UBA2: variants seen among roughly 807,000 people sequenced by gnomAD.
The protein encoded by UBA2 is SUMO-activating enzyme subunit 2.
Under a neutral mutation model 77.2 loss-of-function variants are expected in UBA2, and 11 were observed. The observed-to-expected ratio is 0.14, with a 90% CI of 0.09 to 0.24. The LOEUF is 0.24. UBA2 is among the 10% of genes least tolerant of loss of function. UBA2 has a pLI of 1.00. For missense variants in UBA2, 487 were observed against 781.7 expected (o/e 0.62, Z 4.50); for synonymous variants, 278 against 276.7 (o/e 1.00, Z -0.05).
intron 2 of UBA2, among the ~76,000 whole-genome samples, chr19:34,431,382 G>T (rs1328432466): frequency 6.6e-6 from 1 of 150,736 alleles, no homozygotes; most frequent in Non-Finnish European, 1.5e-5. Context: ...CCTCCCAAGT[G>T]CTGGGATTAC....
intron 15 of UBA2, among the ~76,000 whole-genome samples, chr19:34,465,361 A>C (rs1423350057): frequency 6.6e-6 from 1 of 152,156 alleles, no homozygotes; most frequent in Non-Finnish European, 1.5e-5. Flanking sequence ...GAAGGAGGCC[A>C]GGTGCGATGG....
rs1200377894 is a variant in UBA2 at position 34,466,943 on chromosome 19, A to G, written c.1670A>G (p.Lys557Arg). 3.7e-6 allele frequency: 6 copies of G among 1,614,060 alleles called. No homozygotes were observed. The highest frequency in any genetic ancestry group is 3.3e-5 in the South Asian group (3 of 91,080). The part of the protein sequence containing the change: ...VGDAPEKVGP[K>R]QAEDAAKSIT... The stretch of plus-strand genomic sequence containing the variant: ...GATGCCCCGGAAAAAGTGGGGCCCA[A>G]ACAAGCTGAAGATGCTGCCAAAAGC... Residue 557 changes from lysine to arginine, a missense_variant, in exon 16 of 17, where the codon AAA becomes AGA. Around this residue, in one of 9 missense-constraint regions of UBA2, gnomAD observed 300 missense variants for 454.3 expected, o/e 0.66. Transcript: ENST00000246548.
chr19:34,441,330 C>T (rs2075366661), intron 6 of UBA2, among the ~76,000 whole-genome samples: 1 of 152,066 alleles, frequency 6.6e-6, no homozygotes, highest in Non-Finnish European at 1.5e-5. Context: ...TGGTGGGTGC[C>T]TGTAGTCCCA....
At chr19:34,436,382 C>A (rs781729755) in intron 5 of UBA2, among the ~76,000 whole-genome samples, 1 of 152,108 alleles carries the variant, frequency 6.6e-6, no homozygotes, top group East Asian at 1.9e-4. Context: ...TCGCCGCAAC[C>A]TCCGTCTCCC....
chr19:34,449,664 C>CT (rs749175179), intron 8 of UBA2, among the ~76,000 whole-genome samples: 26 of 152,138 alleles, frequency 1.7e-4, no homozygotes, highest in Non-Finnish European at 3.2e-4. Flanking sequence ...GTTTCTCAAT[C>CT]TACTTGTAAT....
At position 34,438,627 on chromosome 19, in the gene UBA2, C is replaced by T. The variant is rs1201314704; in HGVS notation, c.460-18C>T. On this transcript the variant is annotated intron_variant, in intron 5 of 16. Coordinates refer to ENST00000246548, the MANE Select transcript of UBA2 (RefSeq NM_005499.3). ...CTGCCATCATGGAGTAAATTTTTCTCATATCCTGACTTCATAGGGTGTGAC... is the reference window on the plus strand; with the variant it reads ...CTGCCATCATGGAGTAAATTTTTCTTATATCCTGACTTCATAGGGTGTGAC... 5.6e-6 allele frequency: 9 copies of T among 1,611,640 alleles called. No individual in the cohort carries two copies. In the South Asian group the frequency reaches 8.9e-5, roughly 16 times the overall value.
rs3787033 is a variant in UBA2 at position 34,448,435 on chromosome 19, C to T, written c.772-1830C>T. Among the ~76,000 whole-genome samples the T allele has an allele frequency of 7.3e-5, 11 of 150,968 alleles. No homozygotes were observed. In the East Asian group the frequency reaches 1.2e-3, roughly 16 times the overall value. On this transcript the variant is annotated intron_variant, in intron 8 of 16. Transcript: ENST00000246548. ...TATAGCAAGACCCCATCTCTAAAAA[C>T]GAAAAAAAAATAGCCAGCCATGGTG...
chr19:34,453,706 T>C (rs944686124), intron 10 of UBA2, among the ~76,000 whole-genome samples: 1 of 151,942 alleles, frequency 6.6e-6, no homozygotes, highest in African/African-American at 2.4e-5. Flanking sequence ...TTTTGTGTTT[T>C]TGGTGGAGAT....
intron 5 of UBA2, among the ~76,000 whole-genome samples, chr19:34,437,343 C>T (rs1406234109): frequency 2.0e-5 from 3 of 150,394 alleles, no homozygotes; most frequent in African/African-American, 4.9e-5. Context: ...GGCATGGTGG[C>T]TTACGCCTGT....
intron 10 of UBA2, among the ~76,000 whole-genome samples, chr19:34,453,227 C>T (rs1215957748): frequency 2.6e-5 from 4 of 152,162 alleles, no homozygotes; most frequent in African/African-American, 9.7e-5. Context: ...TCACAGCCAG[C>T]CAATAAATAC....
intron 5 of UBA2, among the ~76,000 whole-genome samples, chr19:34,438,153 G>A (rs888383803): frequency 2.0e-5 from 3 of 150,024 alleles, no homozygotes; most frequent in Non-Finnish European, 2.9e-5. Context: ...AATTAATCTT[G>A]TAGTTTACTT....
chr19:34,433,804 CA>C (rs1183032215), intron 4 of UBA2, among the ~76,000 whole-genome samples: 6 of 152,084 alleles, frequency 3.9e-5, no homozygotes, highest in Non-Finnish European at 7.3e-5. Flanking sequence ...CCAAAAAACA[CA>C]AAAATTAGCC....
In UBA2 at chr19:34,458,921, C is replaced by T. The variant is rs775373199; in HGVS notation, c.1398C>T (p.Asp466=). The T allele has an allele frequency of 2.5e-6, 4 of 1,613,232 alleles. No homozygotes were observed. Among genetic ancestry groups the T allele is most frequent in the Admixed American group, 3.3e-5 (2 of 59,840 alleles). The change falls in exon 13 of 17, where the codon GAC becomes GAT. Residue 466 remains aspartate, a synonymous_variant. Transcript: ENST00000246548. ...AAGTGACTGTTCTCACCTTACAAGA[C>T]AAGGTCAGTGCAAGGCCTGGGTCTC... ...VHKVTVLTLQ[D]KIVKEKFAMV...
At chr19:34,438,938 G>A (rs1161102109) in intron 6 of UBA2, among the ~76,000 whole-genome samples, 172 bp downstream of exon 6, 2 of 152,128 alleles carry the variant, frequency 1.3e-5, no homozygotes, top group Non-Finnish European at 2.9e-5. Flanking sequence ...GCCGGGTGCG[G>A]TGGCTCACAC....
chr19:34,468,271 C>T (rs535905628), intron 16 of UBA2, among the ~76,000 whole-genome samples: 2 of 152,222 alleles, frequency 1.3e-5, no homozygotes, highest in South Asian at 2.1e-4. Context: ...ATTTTGGAGA[C>T]GAACATTCAG....
At chr19:34,464,153 A>G (rs753416347) in intron 15 of UBA2, 22 bp downstream of exon 15, 1 of 1,430,688 alleles carries the variant, frequency 7.0e-7, no homozygotes, top group African/African-American at 1.4e-5. Context: ...TAGTATTTTA[A>G]TTGTAAGAAA....
chr19:34,453,835 A>G (rs2075529300), intron 10 of UBA2, among the ~76,000 whole-genome samples: 1 of 152,080 alleles, frequency 6.6e-6, no homozygotes, highest in Admixed American at 6.6e-5. Flanking sequence ...AGCCTAAAAC[A>G]GTTTTCTTAA....
chr19:34,440,692 T>C (rs1243913672), intron 6 of UBA2, among the ~76,000 whole-genome samples: 1 of 152,176 alleles, frequency 6.6e-6, no homozygotes, highest in Non-Finnish European at 1.5e-5. Context: ...ACTTGGAAGC[T>C]GAAGCGGGTG....
intron 6 of UBA2, among the ~76,000 whole-genome samples, chr19:34,441,727 C>A (rs988069625): frequency 2.6e-5 from 4 of 151,616 alleles, no homozygotes; most frequent in African/African-American, 9.7e-5. Flanking sequence ...TTGAGAACTG[C>A]CTGGGCAACA....
Sources: gnomAD v4.1 joint callset for allele counts (sites outside exome capture counted in the v4.1 genomes callset) on GRCh38, gnomAD v4.1.1 for gene constraint, gnomAD v4.1.1 regional missense constraint, MANE v1.5 for transcripts, NCBI Gene and HGNC (gene_info 2026-07-23, HGNC 2026-07-21) for gene names.